Variants in RAP1A observed in about 807,000 individuals in gnomAD.
RAP1A encodes RAP1A, member of RAS oncogene family, also known as ras-related protein Rap-1A.
A neutral mutation model predicts 26.4 loss-of-function variants in RAP1A; 6 were observed. The ratio of observed to expected loss-of-function variants is 0.23; its 90% CI spans 0.12 to 0.45. RAP1A has a LOEUF of 0.45. Ranked by LOEUF, RAP1A falls within the 20% of genes least tolerant of loss-of-function variation. The probability of loss-of-function intolerance (pLI) is 0.99; values close to 1 mark genes in which losing one functional copy is unlikely to be tolerated. For synonymous variants in RAP1A, 73 were observed against 79.4 expected, an observed-to-expected ratio of 0.92 and a Z score of 0.43; for missense variants, 121 against 217.2, an observed-to-expected ratio of 0.56 and a Z score of 2.78.
intron 1 of RAP1A, chr1:111,564,034 A>G (rs1657854289): frequency 9.9e-7 from 1 of 1,014,966 alleles, no homozygotes; most frequent in South Asian, 1.3e-5. Context: ...CTGCCATTAG[A>G]GAACCAGGAA....
At position 111,579,495 on chromosome 1, in the gene RAP1A, C is replaced by T. The variant is rs75819249; in HGVS notation, c.-28+36986C>T. ...GAAGTTTATCTCATTTAATGTAACA[C>T]TGAGGTTTGCTGCTCCATGTGGGTC... On this transcript the variant is annotated intron_variant, in intron 1 of 7. Transcript: ENST00000356415. Among the ~76,000 whole-genome samples, 1,133 of 152,204 alleles carry T rather than the reference C, an allele frequency of 7.4e-3. 12 individuals are homozygous for T. Among genetic ancestry groups the T allele is most frequent in the African/African-American group, 0.026 (1,060 of 41,520 alleles).
chr1:111,703,251 C>T, intron 4 of RAP1A, 85 bp from the exon 5 acceptor site: 4 of 932,110 alleles, frequency 4.3e-6, no homozygotes, highest in Admixed American at 3.7e-5. Context: ...AAATGTTACT[C>T]ACTTGTAATT....
intron 3 of RAP1A, 100 bp downstream of exon 3, chr1:111,695,509 A>T: frequency 2.6e-6 from 2 of 782,676 alleles, no homozygotes; most frequent in Non-Finnish European, 1.9e-6. Context: ...TTGAGAAATA[A>T]TACAAATATT....
At chr1:111,640,094 A>C (rs577590254) in intron 1 of RAP1A, among the ~76,000 whole-genome samples, 28 of 152,344 alleles carry the variant, frequency 1.8e-4, no homozygotes, top group Non-Finnish European at 2.2e-4. Flanking sequence ...GCATTAACTC[A>C]TTATCACTTA....
rs1656927170 is a variant in RAP1A, at chr1:111,543,631, AGGAGGAAGAGAAGGAGGAATAG to A, written c.-28+1124_-28+1145del. On this transcript the variant is annotated intron_variant, in intron 1 of 7. Transcript: ENST00000356415. The stretch of plus-strand genomic sequence containing the variant: ...GAGGAGGAAGAGAAGGAGGAATAGG[AGGAGGAAGAGAAGGAGGAATAG>A]GAGGAGGAAGAAGAGGAGGAAAAAG... 2.7e-5 allele frequency among the ~76,000 whole-genome samples: 4 copies of A among 148,454 alleles called. No homozygotes were observed. In the South Asian group the frequency reaches 9.0e-4, roughly 33 times the overall value.
chr1:111,671,206 A>G (rs1319203652), intron 1 of RAP1A, among the ~76,000 whole-genome samples: 2 of 152,140 alleles, frequency 1.3e-5, no homozygotes, highest in Non-Finnish European at 2.9e-5. Context: ...GTGCCCATAG[A>G]ACTCCTGGGC....
chr1:111,695,209 A>ATAATGT, intron 2 of RAP1A, 132 bp from the exon 3 acceptor site: 1 of 557,600 alleles, frequency 1.8e-6, no homozygotes, highest in Non-Finnish European at 3.1e-6. Flanking sequence ...AGAATTAATA[A>ATAATGT]TATACTTTAC....
chr1:111,654,491 G>T (rs1179025906), intron 1 of RAP1A, among the ~76,000 whole-genome samples: 1 of 152,120 alleles, frequency 6.6e-6, no homozygotes, highest in African/African-American at 2.4e-5. Flanking sequence ...TCCTCGTTCT[G>T]CCATTTACTA....
At chr1:111,670,418 G>A (rs1467391557) in intron 1 of RAP1A, among the ~76,000 whole-genome samples, 1 of 152,110 alleles carries the variant, frequency 6.6e-6, no homozygotes, top group African/African-American at 2.4e-5. Flanking sequence ...AGGTTACAGT[G>A]AGCCAAGATC....
chr1:111,637,779 G>A (rs1187112142), intron 1 of RAP1A, among the ~76,000 whole-genome samples: 5 of 152,038 alleles, frequency 3.3e-5, no homozygotes, highest in African/African-American at 4.8e-5. Context: ...ATGTATAGTA[G>A]TATGTGAATT....
At chr1:111,632,421 T>G (rs1659594459) in intron 1 of RAP1A, among the ~76,000 whole-genome samples, 1 of 152,034 alleles carries the variant, frequency 6.6e-6, no homozygotes, top group African/African-American at 2.4e-5. Flanking sequence ...ATTGAGAAAT[T>G]GAAAGAAATC....
At chr1:111,685,133 T>G (rs984536025) in intron 1 of RAP1A, among the ~76,000 whole-genome samples, 10 of 152,112 alleles carry the variant, frequency 6.6e-5, no homozygotes, top group African/African-American at 2.4e-4. Flanking sequence ...TCAAGATGGA[T>G]TAAAGACTTA....
intron 1 of RAP1A, chr1:111,649,123 G>A: frequency 1.7e-6 from 1 of 587,058 alleles, no homozygotes; most frequent in Non-Finnish European, 3.3e-6. Flanking sequence ...TTGTCAATCT[G>A]CAGAACGATG....
chr1:111,646,738 A>G (rs1341484545), intron 1 of RAP1A, among the ~76,000 whole-genome samples: 2 of 152,006 alleles, frequency 1.3e-5, no homozygotes, highest in Non-Finnish European at 2.9e-5. Context: ...ACGGGGTTTC[A>G]CTGTGTTAGC....
chr1:111,583,881 T>C (rs1444109600), intron 1 of RAP1A, among the ~76,000 whole-genome samples: 3 of 143,184 alleles, frequency 2.1e-5, no homozygotes, highest in African/African-American at 7.7e-5. Context: ...TATTTCTTTT[T>C]TTTTTTTTTT....
At chr1:111,630,557 C>A (rs963227039) in intron 1 of RAP1A, among the ~76,000 whole-genome samples, 1 of 152,112 alleles carries the variant, frequency 6.6e-6, no homozygotes, top group East Asian at 1.9e-4. Context: ...CATGAAGAAA[C>A]TATAGCAAGA....
At chr1:111,682,292 G>A (rs1270681183) in intron 1 of RAP1A, among the ~76,000 whole-genome samples, 2 of 151,880 alleles carry the variant, frequency 1.3e-5, no homozygotes, top group East Asian at 1.9e-4. Context: ...ATCAACTAAT[G>A]TGCAAAATAA....
chr1:111,634,709 A>G (rs970001904), intron 1 of RAP1A, among the ~76,000 whole-genome samples: 1 of 151,026 alleles, frequency 6.6e-6, no homozygotes, highest in Non-Finnish European at 1.5e-5. Context: ...CAGTGGTGTG[A>G]TCTCGGCTCA....
intron 1 of RAP1A, among the ~76,000 whole-genome samples, chr1:111,642,709 G>C (rs1051599089): frequency 1.3e-5 from 2 of 151,038 alleles, no homozygotes; most frequent in Non-Finnish European, 2.9e-5. Context: ...GGATGGTTTC[G>C]ATCTCCTGAC....
Sources: gnomAD v4.1 joint callset for allele counts (sites outside exome capture counted in the v4.1 genomes callset) on GRCh38, gnomAD v4.1.1 for gene constraint, MANE v1.5 for transcripts, NCBI Gene and HGNC (gene_info 2026-07-23, HGNC 2026-07-21) for gene names.